Variants in OSBPL9 observed in about 807,000 individuals in gnomAD.
OSBPL9 encodes oxysterol binding protein like 9.
In OSBPL9, 40 loss-of-function variants were observed where a neutral mutation model predicts 106.6. The ratio of observed to expected loss-of-function variants is 0.38; its 90% confidence interval spans 0.29 to 0.49. The LOEUF is 0.49. Among genes scored for constraint, OSBPL9 ranks in the 20% least tolerant of loss-of-function variants. OSBPL9 has a pLI of 0.97. For synonymous variants in OSBPL9, 269 were observed against 295.4 expected (o/e 0.91, Z 0.92); for missense variants, 609 against 887.2 (o/e 0.69, Z 3.98).
the OSBPL9 span, among the ~76,000 whole-genome samples, chr1:51,537,499 C>G: frequency 2.0e-5 from 3 of 152,154 alleles, no homozygotes; most frequent in East Asian, 3.9e-4. Flanking sequence ...GCTTCTAGGC[C>G]ATTTTAGTAA....
rs1553199044 is a variant in OSBPL9 at position 51,788,766 on chromosome 1, AATAG to A, written c.*991_*994del. The stretch of plus-strand genomic sequence containing the variant: ...AGATCCCCACCCCACAGTGAACAAA[AATAG>A]ATAGATAGATAGAATAAAATGAATG... On this transcript the variant is annotated 3_prime_UTR_variant, in exon 24 of 24. Coordinates refer to ENST00000428468, the MANE Select transcript of OSBPL9 (RefSeq NM_024586.6). Among the ~76,000 whole-genome samples, 393 of 152,134 alleles carry A rather than the reference AATAG, an allele frequency of 2.6e-3. 2 individuals carry two copies. The highest frequency in any genetic ancestry group is 8.6e-3 in the African/African-American group (358 of 41,432).
chr1:51,737,545 GGTGT>G (rs57886494), intron 4 of OSBPL9, among the ~76,000 whole-genome samples: 8,351 of 141,936 alleles, frequency 0.059, 330 homozygotes, highest in Middle Eastern at 0.16. Context: ...ATATTTCAGG[GGTGT>G]GTGTGTGTGT....
At chr1:51,636,152 GTTTTTTTTTTTT>G (rs35303378) in intron 1 of OSBPL9, among the ~76,000 whole-genome samples, 5 of 64,116 alleles carry the variant, frequency 7.8e-5, no homozygotes, top group African/African-American at 3.0e-4. Context: ...TCTCTCTCTT[GTTTTTTTTTTTT>G]TTTTTTTTTT....
intron 1 of OSBPL9, among the ~76,000 whole-genome samples, chr1:51,628,906 G>C (rs182482062): frequency 6.6e-6 from 1 of 151,864 alleles, no homozygotes; most frequent in Non-Finnish European, 1.5e-5. Flanking sequence ...CTGGTCTCCT[G>C]ACCTCAAGTG....
At chr1:51,640,909 G>T (rs1283764864) in intron 1 of OSBPL9, among the ~76,000 whole-genome samples, 1 of 151,056 alleles carries the variant, frequency 6.6e-6, no homozygotes, top group Non-Finnish European at 1.5e-5. Flanking sequence ...GCAGCCCCCT[G>T]AGTACCTAGG....
intron 1 of OSBPL9, among the ~76,000 whole-genome samples, chr1:51,629,191 A>G (rs1003533422): frequency 6.6e-6 from 1 of 152,120 alleles, no homozygotes; most frequent in Admixed American, 6.6e-5. Flanking sequence ...CTCAGTTGCT[A>G]TCATAATCAT....
At chr1:51,573,508 CAA>C (rs961323006), upstream of OSBPL9, among the ~76,000 whole-genome samples, 2 of 25,058 alleles carry the variant, frequency 8.0e-5, no homozygotes, top group Non-Finnish European at 1.5e-4. Flanking sequence ...AACTCCATCT[CAA>C]AAAAAAAAAA....
At chr1:51,544,089 A>T in the OSBPL9 span, among the ~76,000 whole-genome samples, 3 of 152,256 alleles carry the variant, frequency 2.0e-5, no homozygotes, top group African/African-American at 7.2e-5. Context: ...TTCACAAGGA[A>T]CATTCATATC....
At chr1:51,668,841 T>C (rs1457043745) in intron 2 of OSBPL9, among the ~76,000 whole-genome samples, 1 of 152,138 alleles carries the variant, frequency 6.6e-6, no homozygotes, top group African/African-American at 2.4e-5. Flanking sequence ...TTTCTAAGAT[T>C]TCATAGTGGT....
chr1:51,591,021 C>T (rs1557577709), intron 1 of OSBPL9, among the ~76,000 whole-genome samples: 1 of 151,744 alleles, frequency 6.6e-6, no homozygotes. Flanking sequence ...CAGGTTCACA[C>T]CATTCTCCTG....
chr1:51,693,401 G>A (rs1240392488), intron 3 of OSBPL9, among the ~76,000 whole-genome samples: 1 of 151,206 alleles, frequency 6.6e-6, no homozygotes, highest in Non-Finnish European at 1.5e-5. Context: ...GAGAGAGAGA[G>A]AGAAAAGAAA....
At chr1:51,552,937 T>A in the OSBPL9 span, among the ~76,000 whole-genome samples, 3 of 151,832 alleles carry the variant, frequency 2.0e-5, no homozygotes, top group Admixed American at 6.6e-5. Context: ...CATTTTTTTT[T>A]AAAGGAAATA....
At chr1:51,573,670 T>C (rs563927465), upstream of OSBPL9, among the ~76,000 whole-genome samples, 15 of 151,172 alleles carry the variant, frequency 9.9e-5, no homozygotes, top group Admixed American at 2.6e-4. Context: ...AAACATTAGC[T>C]GAGCAGGGTG....
chr1:51,652,791 T>C (rs1386041545), intron 2 of OSBPL9, among the ~76,000 whole-genome samples: 4 of 152,176 alleles, frequency 2.6e-5, no homozygotes, highest in Admixed American at 2.0e-4. Flanking sequence ...GTTTCCACCA[T>C]TGTTCAAATA....
At position 51,717,496 on chromosome 1, in the gene OSBPL9, C is replaced by T. The variant is rs973106036; in HGVS notation, c.318+3417C>T. On this transcript the variant is annotated intron_variant, in intron 4 of 23. Transcript: ENST00000428468. The stretch of plus-strand genomic sequence containing the variant: ...GTTTTTCCTGGCCATTTAGTACTTT[C>T]TTGTTTTGCTCATCCCATTTCCCAG... 2.0e-5 allele frequency among the ~76,000 whole-genome samples: 3 copies of T among 152,246 alleles called. No homozygotes were observed. The East Asian group carries it at 5.8e-4, about 29-fold the overall frequency.
At position 51,781,358 on chromosome 1, in the gene OSBPL9, T is replaced by G. The variant is rs778664333; in HGVS notation, c.1428+23T>G. 3.7e-6 allele frequency: 6 copies of G among 1,601,596 alleles called. No individual in the cohort carries two copies. In the South Asian group the frequency reaches 6.6e-5, roughly 18 times the overall value. On this transcript the variant is annotated intron_variant, in intron 16 of 23. Transcript: ENST00000428468. The stretch of plus-strand genomic sequence containing the variant: ...ACAGTGAGTTCTGCATTGACATTTT[T>G]AAATTATCTTAATTGTATACTGATT...
chr1:51,758,424 G>GA (rs762203289), intron 9 of OSBPL9, among the ~76,000 whole-genome samples: 10,962 of 124,066 alleles, frequency 0.088, 627 homozygotes, highest in African/African-American at 0.18. Context: ...CCTATTTTCA[G>GA]AAAAAAAAAA....
At chr1:51,722,955 G>T (rs1429508708) in intron 4 of OSBPL9, among the ~76,000 whole-genome samples, 3 of 152,192 alleles carry the variant, frequency 2.0e-5, no homozygotes, top group Admixed American at 6.5e-5. Flanking sequence ...GGGTAAATAT[G>T]ATTTGATTAA....
At chr1:51,541,714 AGCAAAAGTTGTTGCAGCAG>A in the OSBPL9 span, among the ~76,000 whole-genome samples, 1 of 152,126 alleles carries the variant, frequency 6.6e-6, no homozygotes. Flanking sequence ...CTGATATTTG[AGCAAAAGTTGTTGCAGCAG>A]AAGCAACAAA....
Sources: allele counts gnomAD v4.1 joint callset (sites outside exome capture counted in the v4.1 genomes callset), GRCh38; gene constraint gnomAD v4.1.1; transcripts MANE v1.5; gene names NCBI Gene and HGNC (gene_info 2026-07-23, HGNC 2026-07-21).